Variants in EYA1 observed in about 807,000 individuals in gnomAD.
EYA1 encodes EYA transcriptional coactivator and phosphatase 1.
EYA1 carries 16 observed loss-of-function variants against 82.0 expected under a neutral mutation model. That is an observed-to-expected ratio of 0.20 (90% CI 0.13 to 0.30). EYA1 has a LOEUF of 0.30. EYA1 is among the 10% of genes least tolerant of loss of function. The pLI is 1.00. For synonymous variants in EYA1, 261 were observed against 264.4 expected, an observed-to-expected ratio of 0.99 and a Z score of 0.12; for missense variants, 633 against 730.7, an observed-to-expected ratio of 0.87 and a Z score of 1.54.
intron 2 of EYA1, among the ~76,000 whole-genome samples, chr8:71,446,541 T>C (rs1806894279): frequency 6.6e-6 from 1 of 152,200 alleles, no homozygotes; most frequent in Admixed American, 6.5e-5. Flanking sequence ...ACAACCATAA[T>C]ATCCGTTACC....
intron 2 of EYA1, among the ~76,000 whole-genome samples, chr8:71,500,957 G>C (rs1811768793): frequency 6.6e-6 from 1 of 152,174 alleles, no homozygotes; most frequent in African/African-American, 2.4e-5. Context: ...GATAAGGGTT[G>C]AGAGGCTGTG....
At chr8:71,295,053 G>T (rs116110175) in intron 9 of EYA1, among the ~76,000 whole-genome samples, 1,997 of 152,226 alleles carry the variant, frequency 0.013, 27 homozygotes, top group African/African-American at 0.046. Flanking sequence ...AATGAATCTA[G>T]ACCCTGACCT....
intron 7 of EYA1, among the ~76,000 whole-genome samples, chr8:71,312,310 T>A (rs1175298873): frequency 6.6e-6 from 1 of 152,234 alleles, no homozygotes; most frequent in African/African-American, 2.4e-5. Context: ...AATTTAGGTG[T>A]ATGTACAACA....
chr8:71,444,819 G>T (rs141237813), intron 2 of EYA1, among the ~76,000 whole-genome samples: 7 of 152,204 alleles, frequency 4.6e-5, no homozygotes, highest in Non-Finnish European at 1.0e-4. Flanking sequence ...ATTTCACTTC[G>T]TGGGAGGTAG....
chr8:71,223,385 C>T (rs569025525), intron 12 of EYA1, among the ~76,000 whole-genome samples: 105 of 152,314 alleles, frequency 6.9e-4, no homozygotes, highest in African/African-American at 2.4e-3. Context: ...CTACCCTTGC[C>T]AGCCTTCCCC....
chr8:71,359,964 T>A (rs1327553658), intron 1 of EYA1, among the ~76,000 whole-genome samples: 1 of 152,164 alleles, frequency 6.6e-6, no homozygotes, highest in Non-Finnish European at 1.5e-5. Flanking sequence ...TTCTCCTCAA[T>A]CGATATCTCC....
intron 12 of EYA1, 96 bp downstream of exon 12, chr8:71,244,507 C>T: frequency 1.4e-6 from 1 of 712,936 alleles, no homozygotes; most frequent in Non-Finnish European, 2.5e-6. Flanking sequence ...TCTCACTATT[C>T]CAATTATACA....
chr8:71,234,173 T>C (rs1811556991), intron 12 of EYA1, among the ~76,000 whole-genome samples: 1 of 152,210 alleles, frequency 6.6e-6, no homozygotes. Flanking sequence ...CAAGGACTTC[T>C]TTCCTGTAGT....
rs769552584 is a variant in EYA1 at position 71,207,381 on chromosome 8, A to G, written c.1698+3775T>C. Among the ~76,000 whole-genome samples, 11 of 152,346 alleles carry G rather than the reference A, an allele frequency of 7.2e-5. No homozygotes were observed. In the East Asian group the frequency reaches 1.2e-3, roughly 16 times the overall value. ...CTTCAATAAAGTTAGAAAATAAGAA[A>G]GGAATGTTCAACTTGTTGTAAATTG... is the stretch of plus-strand genomic sequence containing the variant. On this transcript the variant is annotated intron_variant, in intron 17 of 17. Transcript: ENST00000340726.
intron 2 of EYA1, among the ~76,000 whole-genome samples, chr8:71,410,510 T>C: frequency 8.9e-6 from 1 of 112,522 alleles, no homozygotes; most frequent in Non-Finnish European, 1.9e-5. Context: ...CTCCTTAAGC[T>C]GATAAGCAAC....
intron 12 of EYA1, among the ~76,000 whole-genome samples, chr8:71,241,048 C>T (rs574729689): frequency 6.6e-6 from 1 of 152,260 alleles, no homozygotes; most frequent in Admixed American, 6.5e-5. Context: ...GGACGTTAGT[C>T]AGACTTAGAA....
At chr8:71,385,318 T>C (rs1304620836) in intron 2 of EYA1, among the ~76,000 whole-genome samples, 9 of 152,054 alleles carry the variant, frequency 5.9e-5, no homozygotes, top group Non-Finnish European at 1.3e-4. Flanking sequence ...ACCAAGTAGA[T>C]GAGCCCAGTT....
intron 2 of EYA1, among the ~76,000 whole-genome samples, chr8:71,416,245 C>T (rs1229257271): frequency 6.6e-6 from 1 of 152,228 alleles, no homozygotes; most frequent in Admixed American, 6.5e-5. Flanking sequence ...GCAGCTCCTC[C>T]TCAGCAGTCC....
rs181457812 is a variant in EYA1 at position 71,216,863 on chromosome 8, G to T, written c.1200-11C>A. ...CCAAAGTTATATGTGCTATTTATAT[G>T]CAAGAAAAGCCCAAAGTTAGCCGAA... On this transcript the variant is annotated splice_polypyrimidine_tract_variant and intron_variant, in intron 13 of 17. Coordinates refer to ENST00000340726, the MANE Select transcript of EYA1 (RefSeq NM_000503.6). 477 of 1,614,030 alleles carry T rather than the reference G, an allele frequency of 3.0e-4. 1 individual carries two copies. The African/African-American group carries it at 5.8e-3, about 20-fold the overall frequency.
At chr8:71,535,125 G>C (rs1423165423) in intron 2 of EYA1, among the ~76,000 whole-genome samples, 1 of 151,970 alleles carries the variant, frequency 6.6e-6, no homozygotes, top group Non-Finnish European at 1.5e-5. Flanking sequence ...ATAACTCAAA[G>C]GTTATTTGTA....
chr8:71,254,243 C>CAAAAAAAAAAAA (rs56047377), intron 11 of EYA1, among the ~76,000 whole-genome samples: 44 of 51,448 alleles, frequency 8.6e-4, no homozygotes, highest in East Asian at 2.0e-3. Context: ...AAGTCTTGGC[C>CAAAAAAAAAAAA]AAAAAAAAAA....
In EYA1 at chr8:71,299,726, A is replaced by T; in HGVS notation, c.557-6T>A. 7.1e-7 allele frequency: 1 copy of T among 1,410,420 alleles called. No individual in the cohort carries two copies. Among genetic ancestry groups the T allele is most frequent in the Non-Finnish European group, 1.0e-6 (1 of 996,400 alleles). 87.4% of individuals were successfully genotyped at this position (1,410,420 alleles called of 1,614,324 possible). A position where few individuals can be genotyped will look rare whatever the true frequency, so the allele number is the denominator to read the frequency against. On this transcript the variant is annotated splice_polypyrimidine_tract_variant and splice_region_variant and intron_variant, in intron 7 of 17. Coordinates refer to ENST00000340726, the MANE Select transcript of EYA1 (RefSeq NM_000503.6). ...TGATGTTGTAAAACTGCTACCTAAA[A>T]CAAAATGAAAAGAAATACGATTATA...
chr8:71,316,580 GTA>G (rs1442561335), intron 7 of EYA1, among the ~76,000 whole-genome samples: 2 of 152,118 alleles, frequency 1.3e-5, no homozygotes, highest in African/African-American at 4.8e-5. Flanking sequence ...AATAATAAAT[GTA>G]TGAGACTTAT....
intron 2 of EYA1, among the ~76,000 whole-genome samples, chr8:71,459,203 T>C (rs755156178): frequency 6.6e-6 from 1 of 152,232 alleles, no homozygotes; most frequent in African/African-American, 2.4e-5. Context: ...GCCATCTTTA[T>C]CCATTAAGTG....
Sources: allele counts gnomAD v4.1 joint callset (sites outside exome capture counted in the v4.1 genomes callset), GRCh38; gene constraint gnomAD v4.1.1; transcripts MANE v1.5; gene names NCBI Gene and HGNC (gene_info 2026-07-23, HGNC 2026-07-21).